PTPRG: variants seen among roughly 807,000 people sequenced by gnomAD.
The protein encoded by PTPRG is receptor-type tyrosine-protein phosphatase gamma.
Under a neutral mutation model 165.3 loss-of-function variants are expected in PTPRG, and 102 were observed. The ratio of observed to expected loss-of-function variants is 0.62; its 90% CI spans 0.53 to 0.73. The LOEUF (loss-of-function observed/expected upper bound fraction) is 0.73, where lower values mean the gene tolerates loss of function less well. PTPRG is among the 30% of genes least tolerant of loss of function. PTPRG has a pLI of 0.00. For synonymous variants in PTPRG, 675 were observed against 669.5 expected, an observed-to-expected ratio of 1.01 and a Z score of -0.13; for missense variants, 1,866 against 1,861.4, an observed-to-expected ratio of 1.00 and a Z score of -0.05.
Position 62,255,080 on chromosome 3 carries a change from G to A in PTPRG, c.2468-44G>A, listed in dbSNP as rs1701506522. On this transcript the variant is annotated intron_variant, in intron 15 of 29. Coordinates refer to ENST00000474889, the MANE Select transcript of PTPRG (RefSeq NM_002841.4). The surrounding 1 kb of genome is among the most constrained non-coding windows in gnomAD (Gnocchi z 4.0). ...GCTTTATCAGTGTAATTTGTTTTAT[G>A]GAAGTATTCTATGTAACTTTGAATA... 6.6e-7 allele frequency: 1 copy of A among 1,516,302 alleles called. No homozygotes were observed. Among genetic ancestry groups the A allele is most frequent in the East Asian group, 2.3e-5 (1 of 43,728 alleles). The allele number at this position is 1,516,302 out of a possible 1,614,324, so 93.9% of individuals were successfully genotyped here.
chr3:61,567,609 T>G (rs1699944234), intron 1 of PTPRG, among the ~76,000 whole-genome samples: 1 of 147,312 alleles, frequency 6.8e-6, no homozygotes, highest in Non-Finnish European at 1.5e-5. Context: ...GAGGCCGCAG[T>G]GTACTGTGAT....
chr3:62,291,707 T>C (rs764155733), intron 28 of PTPRG, among the ~76,000 whole-genome samples: 1 of 152,138 alleles, frequency 6.6e-6, no homozygotes, highest in Non-Finnish European at 1.5e-5. Context: ...TCTTGAACAA[T>C]TCATTTAATC....
At chr3:61,975,358 C>G (rs1433286793) in intron 2 of PTPRG, among the ~76,000 whole-genome samples, 1 of 152,190 alleles carries the variant, frequency 6.6e-6, no homozygotes, top group Non-Finnish European at 1.5e-5. Flanking sequence ...GCACAAATGT[C>G]TGGTAACAGC....
At chr3:61,743,065 C>T in intron 1 of PTPRG, 8 of 1,591,076 alleles carry the variant, frequency 5.0e-6, no homozygotes, top group African/African-American at 2.7e-5. Context: ...CAGGACTTCC[C>T]GCACCGCCTC....
intron 10 of PTPRG, among the ~76,000 whole-genome samples, chr3:62,197,083 G>C (rs1444665932): frequency 1.3e-5 from 2 of 152,194 alleles, no homozygotes; most frequent in Non-Finnish European, 2.9e-5. Context: ...CTGGAGTGAG[G>C]ACCTCTGGTC....
At chr3:61,786,857 AAGCCTTACGCAC>A in intron 2 of PTPRG, among the ~76,000 whole-genome samples, 1 of 152,204 alleles carries the variant, frequency 6.6e-6, no homozygotes, top group Non-Finnish European at 1.5e-5. Flanking sequence ...CTGGAAATAG[AAGCCTTACGCAC>A]CATAACTGCT....
At chr3:62,079,695 A>G (rs558255809) in intron 5 of PTPRG, among the ~76,000 whole-genome samples, 24 of 152,304 alleles carry the variant, frequency 1.6e-4, no homozygotes, top group African/African-American at 5.8e-4. Context: ...CATGAACACA[A>G]TAGAGCATAG....
intron 28 of PTPRG, among the ~76,000 whole-genome samples, chr3:62,291,809 C>T (rs1221679194): frequency 1.3e-5 from 2 of 152,220 alleles, no homozygotes; most frequent in South Asian, 2.1e-4. Flanking sequence ...TGGAAATTTA[C>T]TACCTTTCTA....
chr3:61,816,176 A>T (rs537460519), intron 2 of PTPRG, among the ~76,000 whole-genome samples: 1 of 152,168 alleles, frequency 6.6e-6, no homozygotes, highest in African/African-American at 2.4e-5. Flanking sequence ...ACTCCATTCA[A>T]AGTAGGAATT....
intron 13 of PTPRG, among the ~76,000 whole-genome samples, chr3:62,221,653 A>G (rs1181584158): frequency 6.6e-6 from 1 of 152,184 alleles, no homozygotes; most frequent in Non-Finnish European, 1.5e-5. Flanking sequence ...CAGACTTGAC[A>G]TAAGTAGAGC....
intron 4 of PTPRG, among the ~76,000 whole-genome samples, chr3:62,024,054 C>CTGT (rs2041755534): frequency 6.6e-6 from 1 of 152,100 alleles, no homozygotes; most frequent in South Asian, 2.1e-4. Context: ...TGAAACAAGG[C>CTGT]TGTTGTAAGA....
chr3:62,234,999 A>T (rs560936661), intron 14 of PTPRG, among the ~76,000 whole-genome samples: 18 of 151,976 alleles, frequency 1.2e-4, no homozygotes, highest in Non-Finnish European at 2.1e-4. Flanking sequence ...CTTAGTGAAG[A>T]GGCATATAAT....
intron 6 of PTPRG, among the ~76,000 whole-genome samples, chr3:62,138,695 A>C (rs1703807621): frequency 1.5e-5 from 2 of 129,894 alleles, no homozygotes; most frequent in East Asian, 5.2e-4. Context: ...CTCCAGCCTC[A>C]GTGACAAGGG....
chr3:62,195,220 C>T lies in PTPRG; in HGVS notation c.1327+50C>T. 1 of 1,473,154 alleles carries T rather than the reference C, an allele frequency of 6.8e-7. No homozygotes were observed. Among genetic ancestry groups the T allele is most frequent in the Non-Finnish European group, 9.5e-7 (1 of 1,052,250 alleles). The allele number at this position is 1,473,154 out of a possible 1,614,324, so 91.3% of individuals were successfully genotyped here. ...GCCGGGGTGCCCCTGAGACTCCCTC[C>T]CAATGCTTTCTGCTTCTTCCTGCTC... is the stretch of plus-strand genomic sequence containing the variant. On this transcript the variant is annotated intron_variant, in intron 10 of 29. Transcript: ENST00000474889. This position sits in a 1 kb window ranked among gnomAD's most constrained non-coding sequence, Gnocchi z 4.4.
At chr3:62,275,425 T>C (rs372934780) in intron 23 of PTPRG, among the ~76,000 whole-genome samples, 3 of 152,102 alleles carry the variant, frequency 2.0e-5, no homozygotes, top group South Asian at 2.1e-4. Context: ...TCTAGAAATA[T>C]CTATTGCACA....
intron 24 of PTPRG, among the ~76,000 whole-genome samples, chr3:62,276,169 G>C (rs541666005): frequency 1.3e-5 from 2 of 152,210 alleles, no homozygotes; most frequent in South Asian, 2.1e-4. Flanking sequence ...ACTACCAAAA[G>C]GGAAAATGTT....
chr3:62,028,326 T>C (rs945065766), intron 4 of PTPRG, among the ~76,000 whole-genome samples: 2 of 152,228 alleles, frequency 1.3e-5, no homozygotes, highest in East Asian at 1.9e-4. Flanking sequence ...TTACAGCCTA[T>C]ACATTTTTAA....
At chr3:61,644,530 T>C (rs1198112446) in intron 1 of PTPRG, among the ~76,000 whole-genome samples, 1 of 152,196 alleles carries the variant, frequency 6.6e-6, no homozygotes, top group African/African-American at 2.4e-5. Flanking sequence ...ACTTGGATCT[T>C]GCAAGTCTTA....
Position 61,699,061 on chromosome 3 carries a change from C to A in PTPRG, c.86-49817C>A, listed in dbSNP as rs181282681. On this transcript the variant is annotated intron_variant, in intron 1 of 29. Coordinates refer to ENST00000474889, the MANE Select transcript of PTPRG (RefSeq NM_002841.4). ...GGGAGGGATAGCATTAGGAGATACA[C>A]CTAATGTTAAATCACGAGTTAATGG... 8.5e-5 allele frequency among the ~76,000 whole-genome samples: 13 copies of A among 152,106 alleles called. No individual in the cohort carries two copies. The East Asian group carries it at 2.1e-3, about 25-fold the overall frequency.
Sources: gnomAD v4.1 joint callset for allele counts (sites outside exome capture counted in the v4.1 genomes callset) on GRCh38, gnomAD v4.1.1 for gene constraint, Gnocchi (gnomAD v3.1) non-coding constraint, MANE v1.5 for transcripts, NCBI Gene and HGNC (gene_info 2026-07-23, HGNC 2026-07-21) for gene names.